SLC31A1: variants seen among roughly 807,000 people sequenced by gnomAD.
SLC31A1 encodes solute carrier family 31 member 1.
Under a neutral mutation model 17.2 loss-of-function variants are expected in SLC31A1, and 5 were observed. That is an observed-to-expected ratio of 0.29 (90% CI 0.15 to 0.61). The LOEUF is 0.61. SLC31A1 is among the 20% of genes least tolerant of loss of function. The pLI is 0.86. For missense variants in SLC31A1, 161 were observed against 241.4 expected (o/e 0.67, Z 2.21); for synonymous variants, 76 against 78.8 (o/e 0.96, Z 0.19).
intron 1 of SLC31A1, chr9:113,223,184 C>CT (rs780369600): frequency 3.7e-5 from 16 of 435,688 alleles, no homozygotes; most frequent in South Asian, 2.5e-4. Context: ...AATCAATAGC[C>CT]TTTTTGGTGA....
intron 3 of SLC31A1, 66 bp downstream of exon 3, chr9:113,257,251 G>C: frequency 1.5e-6 from 2 of 1,331,664 alleles, no homozygotes; most frequent in Non-Finnish European, 1.1e-6. Flanking sequence ...AAATAATTTG[G>C]AAGTCCAGCA....
chr9:113,248,774 C>T (rs893365610), intron 1 of SLC31A1, among the ~76,000 whole-genome samples: 2 of 152,052 alleles, frequency 1.3e-5, no homozygotes, highest in Non-Finnish European at 2.9e-5. Context: ...CCACTGTGCG[C>T]AGGCTTGAAA....
rs1240221918 is a variant in SLC31A1, at chr9:113,258,704, A to G, written c.213A>G (p.Gly71=). 8.1e-6 allele frequency: 13 copies of G among 1,614,172 alleles called. No homozygotes were observed. The highest frequency in any genetic ancestry group is 9.3e-6 in the Non-Finnish European group (11 of 1,180,032). The change falls in exon 4 of 5, where the codon GGA becomes GGG. Residue 71 remains glycine, a synonymous_variant. Transcript: ENST00000374212. This position sits in a 1 kb window ranked among gnomAD's most constrained non-coding sequence, Gnocchi z 4.8. ...LVINTAGEMA[G]AFVAVFLLAM... is the part of the protein sequence containing the mutation. ...TCCTTCCATACTTAGAAATGGCTGG[A>G]GCTTTTGTGGCAGTGTTTTTACTAG...
At chr9:113,234,467 G>A (rs561661263) in intron 1 of SLC31A1, among the ~76,000 whole-genome samples, 11 of 138,544 alleles carry the variant, frequency 7.9e-5, no homozygotes, top group Non-Finnish European at 1.2e-4. Context: ...ATGAACCACC[G>A]CTCCTGGCCA....
intron 1 of SLC31A1, among the ~76,000 whole-genome samples, chr9:113,248,100 C>G (rs1564214011): frequency 6.6e-6 from 1 of 152,144 alleles, no homozygotes; most frequent in Non-Finnish European, 1.5e-5. Flanking sequence ...AGGCAGATCA[C>G]CTGAGGTCAG....
intron 4 of SLC31A1, among the ~76,000 whole-genome samples, 177 bp from the exon 5 acceptor site, chr9:113,260,095 T>C (rs1268393232): frequency 6.6e-6 from 1 of 152,202 alleles, no homozygotes; most frequent in Non-Finnish European, 1.5e-5. Context: ...TTTATAAGCC[T>C]GACAGCCCTG....
chr9:113,250,495 A>G (rs1831636806), intron 1 of SLC31A1, among the ~76,000 whole-genome samples: 1 of 137,950 alleles, frequency 7.2e-6, no homozygotes, highest in South Asian at 2.4e-4. Flanking sequence ...ACATGGACAC[A>G]GGAAGGGGAA....
Sources: gnomAD v4.1 joint callset for allele counts (sites outside exome capture counted in the v4.1 genomes callset) on GRCh38, gnomAD v4.1.1 for gene constraint, Gnocchi (gnomAD v3.1) non-coding constraint, MANE v1.5 for transcripts, NCBI Gene and HGNC (gene_info 2026-07-23, HGNC 2026-07-21) for gene names.